The following ANOS1 variants were observed in gnomAD, a reference collection of about 807,000 sequenced individuals.
The protein encoded by ANOS1 is anosmin-1.
In ANOS1, 6 loss-of-function variants were observed where a neutral mutation model predicts 59.0. That is an observed-to-expected ratio of 0.10 (90% CI 0.06 to 0.20). ANOS1 has a LOEUF of 0.20. ANOS1 is among the 10% of genes least tolerant of loss of function. The probability of loss-of-function intolerance (pLI) is 1.00; values close to 1 mark genes in which losing one functional copy is unlikely to be tolerated. For missense variants in ANOS1, 433 were observed against 542.3 expected, an observed-to-expected ratio of 0.80 and a Z score of 2.00; for synonymous variants, 217 against 223.4, an observed-to-expected ratio of 0.97 and a Z score of 0.25.
At chrX:8,705,826 A>G (rs1219648025) in intron 1 of ANOS1, among the ~76,000 whole-genome samples, 1 of 112,746 alleles carries the variant, frequency 8.9e-6, no homozygotes, top group Non-Finnish European at 1.9e-5. Flanking sequence ...GTCAAAGTAC[A>G]TTAGGCTAGA....
chrX:8,555,242 A>G (rs765188684), intron 8 of ANOS1, among the ~76,000 whole-genome samples: 177 of 111,840 alleles, frequency 1.6e-3, no homozygotes, highest in African/African-American at 5.3e-3. Context: ...GTTTAGAGGG[A>G]AATTTATAGC....
intron 3 of ANOS1, among the ~76,000 whole-genome samples, chrX:8,597,875 G>T (rs1930772371): frequency 9.2e-6 from 1 of 108,897 alleles, no homozygotes; most frequent in Non-Finnish European, 1.9e-5. Context: ...TTGCTATGTT[G>T]TCCAGGGTGG....
intron 1 of ANOS1, among the ~76,000 whole-genome samples, chrX:8,717,972 G>A (rs934453549): frequency 4.5e-5 from 5 of 110,409 alleles, no homozygotes; most frequent in Non-Finnish European, 7.6e-5. Flanking sequence ...CTGAGGTGGA[G>A]GGATCCTTGA....
At chrX:8,570,392 G>A in intron 7 of ANOS1, 107 bp downstream of exon 7, 1 of 651,790 alleles carries the variant, frequency 1.5e-6, no homozygotes, top group South Asian at 2.4e-5. Flanking sequence ...AAGCTTTCCT[G>A]CATCCATGGC....
chrX:8,688,703 T>C (rs1027318152), intron 2 of ANOS1, among the ~76,000 whole-genome samples: 3 of 112,183 alleles, frequency 2.7e-5, no homozygotes, highest in Non-Finnish European at 5.6e-5. Context: ...ACTGAGCTAT[T>C]AACTTGTCAC....
At chrX:8,731,352 A>G (rs1045406342) in intron 1 of ANOS1, among the ~76,000 whole-genome samples, 2 of 111,834 alleles carry the variant, frequency 1.8e-5, no homozygotes, top group Non-Finnish European at 3.8e-5. Flanking sequence ...CTTTCAAAAG[A>G]GACAAAGTGT....
At chrX:8,725,453 C>T (rs1314348123) in intron 1 of ANOS1, among the ~76,000 whole-genome samples, 1 of 106,522 alleles carries the variant, frequency 9.4e-6, no homozygotes, top group African/African-American at 3.4e-5. Context: ...ACACTTGCAC[C>T]AACAATATTA....
intron 4 of ANOS1, among the ~76,000 whole-genome samples, chrX:8,595,447 G>A (rs1170065045): frequency 1.9e-5 from 2 of 105,690 alleles, no homozygotes; most frequent in African/African-American, 3.4e-5. Flanking sequence ...AAAAAAAACC[G>A]GTTGAATTAC....
chrX:8,696,192 G>A (rs1462293356), intron 2 of ANOS1, among the ~76,000 whole-genome samples: 1 of 111,824 alleles, frequency 8.9e-6, no homozygotes, highest in African/African-American at 3.3e-5. Context: ...GAGCTGCTGG[G>A]GCCCCTGCCA....
Position 8,536,840 on chromosome X carries a change from A to G in ANOS1, c.1552T>C (p.Phe518Leu). 8.3e-7 allele frequency: 1 copy of G among 1,209,322 alleles called. No homozygotes were observed. The highest frequency in any genetic ancestry group is 1.1e-6 in the Non-Finnish European group (1 of 893,523). The change falls in exon 11 of 14, where the codon TTC (phenylalanine) becomes CTC (leucine). Residue 518 changes from phenylalanine (F) to leucine (L), a missense_variant. Coordinates refer to ENST00000262648, the MANE Select transcript of ANOS1 (RefSeq NM_000216.4). ...KSHSKAEAVF[F>L]TTPPCSALKG... is the part of the protein sequence containing the mutation. ...AGAGCAGAGCATGGTGGAGTAGTGA[A>G]GAAAACAGCTTCTGCCTTGGAGTGA...
At chrX:8,638,887 G>A (rs1931614024) in intron 2 of ANOS1, among the ~76,000 whole-genome samples, 1 of 111,488 alleles carries the variant, frequency 9.0e-6, no homozygotes, top group Admixed American at 9.6e-5. Context: ...GCGACTGCTG[G>A]ATATGTTTTT....
chrX:8,588,113 CCATA>C (rs1930553264), intron 4 of ANOS1, 135 bp from the exon 5 acceptor site: 8 of 579,548 alleles, frequency 1.4e-5, no homozygotes, highest in Non-Finnish European at 2.3e-5. Context: ...AGTGGCCTCT[CCATA>C]CAGGGTTTCA....
chrX:8,688,568 G>A (rs1932557574), intron 2 of ANOS1, among the ~76,000 whole-genome samples: 1 of 112,230 alleles, frequency 8.9e-6, no homozygotes, highest in African/African-American at 3.2e-5. Flanking sequence ...GAAATTAATC[G>A]TAAGAGATTA....
chrX:8,610,006 CAAAAAAAAAAAAAAAAAA>C (rs1167209336), intron 3 of ANOS1, among the ~76,000 whole-genome samples: 4 of 9,160 alleles, frequency 4.4e-4, no homozygotes, highest in Non-Finnish European at 5.6e-4. Context: ...GACTCCATCT[CAAAAAAAAAAAAAAAAAA>C]AAAAAAAAAA....
At chrX:8,583,727 G>T (rs1324034553) in intron 6 of ANOS1, among the ~76,000 whole-genome samples, 1 of 112,339 alleles carries the variant, frequency 8.9e-6, no homozygotes, top group Non-Finnish European at 1.9e-5. Flanking sequence ...TGTGAATTTT[G>T]GGTATATTTG....
intron 2 of ANOS1, among the ~76,000 whole-genome samples, chrX:8,644,012 C>T (rs1931708790): frequency 9.2e-6 from 1 of 108,711 alleles, no homozygotes; most frequent in Non-Finnish European, 1.9e-5. Context: ...ATGTATAAAA[C>T]CAAGCTGTGC....
intron 1 of ANOS1, among the ~76,000 whole-genome samples, chrX:8,700,278 T>C (rs1457553855): frequency 1.8e-5 from 2 of 111,204 alleles, no homozygotes; most frequent in Admixed American, 1.9e-4. Flanking sequence ...GAAGTATGGC[T>C]GGGGAGGCTC....
At chrX:8,558,237 G>A (rs1234906436) in intron 8 of ANOS1, among the ~76,000 whole-genome samples, 1 of 110,952 alleles carries the variant, frequency 9.0e-6, no homozygotes, top group African/African-American at 3.3e-5. Flanking sequence ...GAGTTGATGG[G>A]TGCAGCACAC....
chrX:8,619,380 C>A (rs888139062), intron 3 of ANOS1, among the ~76,000 whole-genome samples: 3 of 111,399 alleles, frequency 2.7e-5, no homozygotes, highest in Non-Finnish European at 5.7e-5. Flanking sequence ...CCAAGGCGGG[C>A]GGATCACAAG....
Sources: allele counts gnomAD v4.1 joint callset (sites outside exome capture counted in the v4.1 genomes callset), GRCh38; gene constraint gnomAD v4.1.1; transcripts MANE v1.5; gene names NCBI Gene and HGNC (gene_info 2026-07-23, HGNC 2026-07-21).